PTPRB: variants seen among roughly 807,000 people sequenced by gnomAD.
The protein encoded by PTPRB is receptor-type tyrosine-protein phosphatase beta.
In PTPRB, 97 loss-of-function variants were observed where a neutral mutation model predicts 238.1. The observed-to-expected ratio is 0.41, with a 90% CI of 0.35 to 0.48. The LOEUF is 0.48. PTPRB is among the 20% of genes least tolerant of loss of function. PTPRB has a pLI of 0.30. For missense variants in PTPRB, 2,292 were observed against 2,681.9 expected (o/e 0.85, Z 3.21); for synonymous variants, 970 against 995.4 (o/e 0.97, Z 0.48).
Position 70,563,047 on chromosome 12 carries a change from C to G in PTPRB, c.3965G>C (p.Arg1322Pro). 1 of 1,613,768 alleles carries G rather than the reference C, an allele frequency of 6.2e-7. No homozygotes were observed. The highest frequency in any genetic ancestry group is 1.3e-5 in the African/African-American group (1 of 74,992). The change falls in exon 16 of 34, where the codon CGC becomes CCC. Residue 1322 changes from arginine (R) to proline (P), a missense_variant. Coordinates refer to ENST00000334414, the MANE Select transcript of PTPRB (RefSeq NM_001109754.4). ...TENSTRHLSF[R>P]WTASEGELSW... is the part of the protein sequence containing the mutation. Reference sequence around the variant, plus strand: ...GAGCTCCCCCTCTGAGGCGGTCCAGCGGAAGGACAGGTGCCTGGTGGAGTT... The same window carrying G: ...GAGCTCCCCCTCTGAGGCGGTCCAGGGGAAGGACAGGTGCCTGGTGGAGTT...
At chr12:70,597,577 C>T (rs1252573099) in intron 4 of PTPRB, among the ~76,000 whole-genome samples, 1 of 152,108 alleles carries the variant, frequency 6.6e-6, no homozygotes, top group African/African-American at 2.4e-5. Flanking sequence ...AGAAATCCAA[C>T]ATGGTTCTTG....
chr12:70,569,568 T>C (rs1458810080), intron 14 of PTPRB, 107 bp downstream of exon 14: 2 of 1,338,506 alleles, frequency 1.5e-6, no homozygotes, highest in Non-Finnish European at 2.1e-6. Flanking sequence ...GTACAAACTT[T>C]GGTGGTTTTA....
chr12:70,636,700 G>A (rs571751386), intron 1 of PTPRB, among the ~76,000 whole-genome samples: 1 of 152,218 alleles, frequency 6.6e-6, no homozygotes, highest in South Asian at 2.1e-4. Flanking sequence ...TCGTGGAGAG[G>A]AGCATTTCTC....
At chr12:70,616,124 T>G (rs1884669523) in intron 3 of PTPRB, among the ~76,000 whole-genome samples, 1 of 152,124 alleles carries the variant, frequency 6.6e-6, no homozygotes, top group Non-Finnish European at 1.5e-5. Flanking sequence ...TTATTTATTT[T>G]ATAGAGATGG....
At chr12:70,522,292 T>C (rs994280737) in intron 33 of PTPRB, among the ~76,000 whole-genome samples, 4 of 152,204 alleles carry the variant, frequency 2.6e-5, no homozygotes, top group Admixed American at 2.6e-4. Context: ...CAAGGAATTG[T>C]GGCTGCATCT....
In PTPRB at chr12:70,518,066, A is replaced by G. The variant is rs1871325713; in HGVS notation, c.*3423T>C. 6.6e-6 allele frequency: 1 copy of G among 152,156 alleles called. No individual in the cohort carries two copies. Among genetic ancestry groups the G allele is most frequent in the Non-Finnish European group, 1.5e-5 (1 of 68,040 alleles). The allele number at this position is 152,156 out of a possible 1,614,324, so 9.4% of individuals were successfully genotyped here. A position where few individuals can be genotyped will look rare whatever the true frequency, so the allele number is the denominator to read the frequency against. ...TTGGGCTTTCTTCCGAGAGGTGATTACAAAATTTATCAAAGACCCTCCCAA... is the reference window on the plus strand; with the variant it reads ...TTGGGCTTTCTTCCGAGAGGTGATTGCAAAATTTATCAAAGACCCTCCCAA... On this transcript the variant is annotated 3_prime_UTR_variant, in exon 34 of 34. Transcript: ENST00000334414.
In PTPRB at chr12:70,590,096, T is replaced by G. The variant is rs1455589100; in HGVS notation, c.1918A>C (p.Ile640Leu). The change falls in exon 8 of 34, where the codon ATC becomes CTC. Residue 640 changes from isoleucine (I) to leucine (L), a missense_variant. Coordinates refer to ENST00000334414, the MANE Select transcript of PTPRB (RefSeq NM_001109754.4). ...LFNDSVVLLN[I>L]TVGKEETQYV... ...TGTGTTTCTTCCTTTCCCACAGTGA[T>G]GTTGAGCAGCACCACAGAATCATTG... 3.1e-6 allele frequency: 5 copies of G among 1,614,006 alleles called. No homozygotes were observed. Among genetic ancestry groups the G allele is most frequent in the Non-Finnish European group, 4.2e-6 (5 of 1,179,874 alleles).
intron 18 of PTPRB, 94 bp from the exon 19 acceptor site, chr12:70,556,242 A>G: frequency 2.6e-6 from 3 of 1,150,176 alleles, no homozygotes; most frequent in South Asian, 1.6e-5. Flanking sequence ...AGATCTAGGT[A>G]TAGGAGGGAC....
In PTPRB at chr12:70,556,111, C is replaced by G. The variant is rs1280198348; in HGVS notation, c.4752G>C (p.Gln1584His). Residue 1584 changes from glutamine to histidine, a missense_variant, in exon 19 of 34, where the codon CAG becomes CAC. Physicochemically the swap from Gln to His is conservative, Grantham distance 24 (BLOSUM62 0). Transcript: ENST00000334414. ...AAGAACAGGCAATGGCCGTGGAGTT[C>G]TGAGGCCGGCAATGCAGGTTTTGTA... ...DKIQNLHCRP[Q>H]NSTAIACSWI... 4.3e-6 allele frequency: 7 copies of G among 1,613,674 alleles called. No individual in the cohort carries two copies. The highest frequency in any genetic ancestry group is 5.1e-6 in the Non-Finnish European group (6 of 1,179,764).
At chr12:70,539,406 C>G in intron 26 of PTPRB, 1 of 572,182 alleles carries the variant, frequency 1.7e-6, no homozygotes, top group Non-Finnish European at 3.1e-6. Context: ...CCAGGTAGCC[C>G]TTGGTTTGCT....
At chr12:70,578,669 T>G (rs573825148) in intron 10 of PTPRB, among the ~76,000 whole-genome samples, 160 of 152,248 alleles carry the variant, frequency 1.1e-3, no homozygotes, top group African/African-American at 3.7e-3. Context: ...AAAATAATTT[T>G]AAGTCCCACT....
intron 21 of PTPRB, among the ~76,000 whole-genome samples, chr12:70,544,910 C>G (rs1246060666): frequency 1.3e-5 from 2 of 152,118 alleles, no homozygotes; most frequent in Non-Finnish European, 2.9e-5. Context: ...AAAACAAAGT[C>G]CCTGCCATTC....
At chr12:70,625,538 A>G (rs1194368505) in intron 2 of PTPRB, among the ~76,000 whole-genome samples, 3 of 149,626 alleles carry the variant, frequency 2.0e-5, no homozygotes, top group Non-Finnish European at 2.9e-5. Flanking sequence ...ATAGAAATAT[A>G]TAAGATGATT....
rs770651528 is a variant in PTPRB, at chr12:70,540,899, T to C, written c.5553A>G (p.Leu1851=). 8 of 1,606,876 alleles carry C rather than the reference T, an allele frequency of 5.0e-6. No homozygotes were observed. Among genetic ancestry groups the C allele is most frequent in the African/African-American group, 1.3e-5 (1 of 74,848 alleles). ...AGATCAATAAGGCAACAACAGCCACTAGCATGCCAATTAAAAACAGACCAG... is the reference window on the plus strand; with the variant it reads ...AGATCAATAAGGCAACAACAGCCACCAGCATGCCAATTAAAAACAGACCAG... ...VSAGLFLIGM[L]VAVVALLICR... Residue 1851 remains leucine, a synonymous_variant, in exon 23 of 34, where the codon CTA becomes CTG. Transcript: ENST00000334414.
At chr12:70,564,124 A>G (rs768319364) in intron 15 of PTPRB, among the ~76,000 whole-genome samples, 27 of 152,194 alleles carry the variant, frequency 1.8e-4, no homozygotes, top group Non-Finnish European at 2.9e-4. Flanking sequence ...CTGCTTATAA[A>G]TACCCAAATA....
intron 3 of PTPRB, chr12:70,609,847 A>G: frequency 6.4e-7 from 1 of 1,558,922 alleles, no homozygotes; most frequent in Non-Finnish European, 8.7e-7. Context: ...GAGGAGACCG[A>G]GGGGGCTGGA....
chr12:70,618,110 T>C (rs1432735123), intron 3 of PTPRB, among the ~76,000 whole-genome samples: 1 of 152,166 alleles, frequency 6.6e-6, no homozygotes, highest in Non-Finnish European at 1.5e-5. Context: ...TGTTTGTTTG[T>C]TTGTTTTGAA....
intron 4 of PTPRB, among the ~76,000 whole-genome samples, chr12:70,605,336 T>C (rs1318220430): frequency 1.3e-5 from 2 of 152,226 alleles, no homozygotes; most frequent in Non-Finnish European, 2.9e-5. Flanking sequence ...CATGCTTATC[T>C]GTATCTATAT....
chr12:70,590,785 T>C (rs538496570), intron 7 of PTPRB, among the ~76,000 whole-genome samples: 43 of 152,082 alleles, frequency 2.8e-4, no homozygotes, highest in African/African-American at 1.0e-3. Context: ...TCCGGTTGTA[T>C]GTTCTGTAGA....
Sources: gnomAD v4.1 joint callset for allele counts (sites outside exome capture counted in the v4.1 genomes callset) on GRCh38, gnomAD v4.1.1 for gene constraint, MANE v1.5 for transcripts, NCBI Gene and HGNC (gene_info 2026-07-23, HGNC 2026-07-21) for gene names.